Variants in PTPRN2 observed in about 807,000 individuals in gnomAD.
The protein encoded by PTPRN2 is protein tyrosine phosphatase receptor type N2, also known as receptor-type tyrosine-protein phosphatase N2.
Under a neutral mutation model 118.8 loss-of-function variants are expected in PTPRN2, and 74 were observed. That is an observed-to-expected ratio of 0.62 (90% confidence interval 0.52 to 0.76). The LOEUF (loss-of-function observed/expected upper bound fraction) is 0.76, where lower values mean the gene tolerates loss of function less well. Ranked by LOEUF, PTPRN2 falls within the 30% of genes least tolerant of loss-of-function variation. The pLI, the probability that PTPRN2 is intolerant of heterozygous loss-of-function variation, is 0.00. For missense variants in PTPRN2, 1,481 were observed against 1,394.4 expected, an observed-to-expected ratio of 1.06 and a Z score of -0.99; for synonymous variants, 641 against 608.0, an observed-to-expected ratio of 1.05 and a Z score of -0.80.
At chr7:158,090,895 T>G (rs900815872) in intron 10 of PTPRN2, among the ~76,000 whole-genome samples, 1 of 152,228 alleles carries the variant, frequency 6.6e-6, no homozygotes, top group Non-Finnish European at 1.5e-5. Flanking sequence ...TATCTCAAAG[T>G]GATTTTCTGA....
chr7:157,726,389 G>C (rs1046069714), intron 12 of PTPRN2, among the ~76,000 whole-genome samples: 6 of 140,054 alleles, frequency 4.3e-5, no homozygotes, highest in African/African-American at 1.3e-4. Flanking sequence ...ACGCAGAGGA[G>C]TGTGGCCAGA....
At chr7:158,275,041 C>T (rs1329043025) in intron 3 of PTPRN2, among the ~76,000 whole-genome samples, 1 of 152,160 alleles carries the variant, frequency 6.6e-6, no homozygotes. Flanking sequence ...GTTCAAAAAG[C>T]TGCCTTCTGA....
rs562708452 is a variant in PTPRN2 at position 158,154,216 on chromosome 7, G to C, written c.910+12715C>G. Among the ~76,000 whole-genome samples, 61 of 152,302 alleles carry C rather than the reference G, an allele frequency of 4.0e-4. No individual in the cohort carries two copies. In the South Asian group the frequency reaches 8.7e-3, roughly 22 times the overall value. The stretch of plus-strand genomic sequence containing the variant: ...GTAACGCAGAGACAGGTGTTCTCCG[G>C]AGTCAGCCAAACCGGGCTCAAACTC... On this transcript the variant is annotated intron_variant, in intron 6 of 22. Coordinates refer to ENST00000389418, the MANE Select transcript of PTPRN2 (RefSeq NM_002847.5).
At position 158,071,301 on chromosome 7, in the gene PTPRN2, G is replaced by GTA. The variant is rs1174717455; in HGVS notation, c.1723+9996_1723+9997insTA. Among the ~76,000 whole-genome samples the GTA allele has an allele frequency of 8.2e-4, 97 of 118,570 alleles. 1 individual carries two copies. Among genetic ancestry groups the GTA allele is most frequent in the African/African-American group, 1.3e-3 (41 of 30,376 alleles). The allele number at this position is 118,570 out of a possible 152,430, so 77.8% of individuals were successfully genotyped here. A position where few individuals can be genotyped will look rare whatever the true frequency, so the allele number is the denominator to read the frequency against. ...GCCCGTGGTGGTGGAGGTGCTCGTG[G>GTA]TGGAGGTGCCCATGGTAGTGGAGGT... On this transcript the variant is annotated intron_variant, in intron 11 of 22. Transcript: ENST00000389418.
chr7:158,293,742 TAAAA>T (rs1800271289), intron 3 of PTPRN2, among the ~76,000 whole-genome samples: 2 of 99,076 alleles, frequency 2.0e-5, no homozygotes. Context: ...CTTCCACTTT[TAAAA>T]CTTTTTTGTT....
At chr7:157,800,691 G>C (rs974007607) in intron 12 of PTPRN2, among the ~76,000 whole-genome samples, 2 of 151,998 alleles carry the variant, frequency 1.3e-5, no homozygotes, top group East Asian at 1.9e-4. Flanking sequence ...GGTGGCTCAG[G>C]CCTGTAATCC....
At chr7:157,735,466 C>T (rs1800244001) in intron 12 of PTPRN2, among the ~76,000 whole-genome samples, 1 of 152,176 alleles carries the variant, frequency 6.6e-6, no homozygotes, top group African/African-American at 2.4e-5. Flanking sequence ...CAACTGTGTG[C>T]AGCGGCCCAG....
chr7:158,451,075 C>T (rs987822121), intron 2 of PTPRN2, among the ~76,000 whole-genome samples: 1 of 152,202 alleles, frequency 6.6e-6, no homozygotes, highest in Non-Finnish European at 1.5e-5. Flanking sequence ...ATACGGCTTC[C>T]GTCTTCATCA....
chr7:158,092,386 A>G (rs73512328), intron 10 of PTPRN2, among the ~76,000 whole-genome samples: 3,204 of 151,102 alleles, frequency 0.021, 107 homozygotes, highest in African/African-American at 0.073. Flanking sequence ...AGAGAGGTGG[A>G]TAAGTGGATA....
At chr7:157,822,099 C>T (rs565508864) in intron 12 of PTPRN2, among the ~76,000 whole-genome samples, 1 of 151,956 alleles carries the variant, frequency 6.6e-6, no homozygotes, top group African/African-American at 2.4e-5. Flanking sequence ...CACCCATACA[C>T]TCATCCATCC....
At chr7:157,753,700 C>A (rs953196006) in intron 12 of PTPRN2, among the ~76,000 whole-genome samples, 1 of 149,068 alleles carries the variant, frequency 6.7e-6, no homozygotes, top group Non-Finnish European at 1.5e-5. Context: ...TGCCTTAACG[C>A]CTCCCCTCCG....
chr7:158,435,251 C>T (rs548019439), intron 2 of PTPRN2, among the ~76,000 whole-genome samples: 1 of 152,228 alleles, frequency 6.6e-6, no homozygotes, highest in South Asian at 2.1e-4. Flanking sequence ...AACCCAATAA[C>T]CAAAAACAAA....
intron 9 of PTPRN2, among the ~76,000 whole-genome samples, chr7:158,113,140 CAAG>C (rs1480832636): frequency 7.9e-5 from 12 of 152,054 alleles, no homozygotes; most frequent in Non-Finnish European, 1.5e-4. Context: ...GCAAGAATTC[CAAG>C]AAGGAGAAGG....
intron 12 of PTPRN2, among the ~76,000 whole-genome samples, chr7:157,723,105 A>T (rs1053304591): frequency 3.3e-5 from 5 of 152,238 alleles, no homozygotes; most frequent in Non-Finnish European, 5.9e-5. Context: ...ATTAAGTCAC[A>T]TTCAGAAATT....
chr7:158,514,897 C>T (rs1362308538), intron 1 of PTPRN2, among the ~76,000 whole-genome samples: 1 of 152,178 alleles, frequency 6.6e-6, no homozygotes, highest in East Asian at 1.9e-4. Context: ...TGGTTTGCTG[C>T]TCCTGGACCC....
At chr7:158,500,888 T>C (rs188220740) in intron 1 of PTPRN2, among the ~76,000 whole-genome samples, 150 of 152,320 alleles carry the variant, frequency 9.8e-4, no homozygotes, top group Non-Finnish European at 1.7e-3. Context: ...TCTAACCAGT[T>C]CCCAGGCAAG....
intron 2 of PTPRN2, among the ~76,000 whole-genome samples, chr7:158,452,710 GA>G (rs1406324334): frequency 1.3e-5 from 2 of 152,226 alleles, no homozygotes; most frequent in African/African-American, 4.8e-5. Flanking sequence ...AGACACAAAG[GA>G]AAGGAAGTGA....
At chr7:158,490,951 A>T (rs1040620628) in intron 1 of PTPRN2, among the ~76,000 whole-genome samples, 1 of 152,212 alleles carries the variant, frequency 6.6e-6, no homozygotes, top group African/African-American at 2.4e-5. Flanking sequence ...TGTCTGGCAC[A>T]GGGCAGGTGC....
At chr7:157,769,141 C>A in intron 12 of PTPRN2, among the ~76,000 whole-genome samples, 1 of 152,198 alleles carries the variant, frequency 6.6e-6, no homozygotes, top group East Asian at 1.9e-4. Flanking sequence ...CCACCGCGGC[C>A]AGCCCAGTGT....
Sources: gnomAD v4.1 joint callset for allele counts (sites outside exome capture counted in the v4.1 genomes callset) on GRCh38, gnomAD v4.1.1 for gene constraint, MANE v1.5 for transcripts, NCBI Gene and HGNC (gene_info 2026-07-23, HGNC 2026-07-21) for gene names.